PIK3C2G: variants seen among roughly 807,000 people sequenced by gnomAD.
PIK3C2G encodes phosphatidylinositol-4-phosphate 3-kinase catalytic subunit type 2 gamma.
PIK3C2G carries 168 observed loss-of-function variants against 181.1 expected under a neutral mutation model. The observed-to-expected ratio is 0.93, with a 90% CI of 0.82 to 1.05. The LOEUF (loss-of-function observed/expected upper bound fraction) is 1.05, where lower values mean the gene tolerates loss of function less well. Among genes scored for constraint, PIK3C2G ranks in the 50% least tolerant of loss-of-function variants. The pLI is 0.00. For missense variants in PIK3C2G, 1,869 were observed against 1,732.8 expected, an observed-to-expected ratio of 1.08 and a Z score of -1.40; for synonymous variants, 573 against 592.2, an observed-to-expected ratio of 0.97 and a Z score of 0.47.
At chr12:18,320,423 C>G (rs2137456562) in intron 6 of PIK3C2G, among the ~76,000 whole-genome samples, 1 of 152,236 alleles carries the variant, frequency 6.6e-6, no homozygotes, top group East Asian at 1.9e-4. Flanking sequence ...AAACAAAATG[C>G]CAACTCCTAA....
chr12:18,686,659 A>G, the PIK3C2G span, among the ~76,000 whole-genome samples: 3 of 152,102 alleles, frequency 2.0e-5, no homozygotes, highest in Non-Finnish European at 4.4e-5. Context: ...CCCTTGGAGT[A>G]CAAATCTTTG....
In PIK3C2G at chr12:18,442,802, C is replaced by T. The variant is rs76256057; in HGVS notation, c.2504+18763C>T. Among the ~76,000 whole-genome samples the T allele has an allele frequency of 6.7e-3, 1,012 of 152,034 alleles. 10 individuals are homozygous for T. The highest frequency in any genetic ancestry group is 0.024 in the African/African-American group (977 of 41,470). On this transcript the variant is annotated intron_variant, in intron 18 of 32. Coordinates refer to ENST00000538779, the MANE Select transcript of PIK3C2G (RefSeq NM_001288772.2). ...AAAATTATGCATCTTTTTATGCATACATTTTTATATAGACTTGAGTTAGAT... is the reference window on the plus strand; with the variant it reads ...AAAATTATGCATCTTTTTATGCATATATTTTTATATAGACTTGAGTTAGAT...
At position 18,546,259 on chromosome 12, in the gene PIK3C2G, A is replaced by AG. The variant is rs1216549629; in HGVS notation, c.3481-63dup. 6.2e-6 allele frequency: 6 copies of AG among 969,538 alleles called. No homozygotes were observed. The African/African-American group carries it at 9.7e-5, about 16-fold the overall frequency. The allele number at this position is 969,538 out of a possible 1,614,324, so 60.1% of individuals were successfully genotyped here. A position where few individuals can be genotyped will look rare whatever the true frequency, so the allele number is the denominator to read the frequency against. ...GTCTCTGGGTAGAATTAATCAAGTA[A>AG]GCTTGATTGTATCTGCATTTATTCT... On this transcript the variant is annotated intron_variant, in intron 25 of 32. Coordinates refer to ENST00000538779, the MANE Select transcript of PIK3C2G (RefSeq NM_001288772.2).
At chr12:18,483,966 C>T (rs568567989) in intron 18 of PIK3C2G, among the ~76,000 whole-genome samples, 2 of 152,240 alleles carry the variant, frequency 1.3e-5, no homozygotes, top group East Asian at 3.9e-4. Flanking sequence ...AAGGAACAGC[C>T]TCCTACTGGG....
chr12:18,281,515 G>A (rs906168961), intron 1 of PIK3C2G, among the ~76,000 whole-genome samples: 1 of 150,414 alleles, frequency 6.6e-6, no homozygotes, highest in Non-Finnish European at 1.5e-5. Context: ...CAATTATTTC[G>A]AGTTTTTTGG....
At chr12:18,559,917 C>T (rs1333391376) in intron 26 of PIK3C2G, among the ~76,000 whole-genome samples, 1 of 148,136 alleles carries the variant, frequency 6.8e-6, no homozygotes, top group Non-Finnish European at 1.5e-5. Context: ...AGTCTCGGCT[C>T]ACTGCAACCT....
chr12:18,650,696 GTGTGTGTGTATATATCTATA>G (rs1186355819), downstream of PIK3C2G, among the ~76,000 whole-genome samples: 1,796 of 43,490 alleles, frequency 0.041, 161 homozygotes, highest in South Asian at 0.065. Context: ...GTGTGTGTGT[GTGTGTGTGTATATATCTATA>G]TATATATATA....
At chr12:18,448,701 G>A (rs1189691576) in intron 18 of PIK3C2G, among the ~76,000 whole-genome samples, 3 of 151,788 alleles carry the variant, frequency 2.0e-5, no homozygotes, top group African/African-American at 7.3e-5. Flanking sequence ...GTAGAAAATG[G>A]CAAGATTTCC....
the PIK3C2G span, among the ~76,000 whole-genome samples, chr12:18,670,259 A>G: frequency 0.45 from 68,414 of 151,948 alleles, 16,216 homozygotes; most frequent in South Asian, 0.6. Flanking sequence ...AGATTGCTAC[A>G]TTTCTCCACA....
intron 22 of PIK3C2G, among the ~76,000 whole-genome samples, chr12:18,500,086 G>A (rs1224847840): frequency 6.6e-6 from 1 of 152,212 alleles, no homozygotes; most frequent in Admixed American, 6.5e-5. Flanking sequence ...CTGTGTGGGA[G>A]CCCCTTTCTG....
At chr12:18,584,194 AT>A (rs973453783) in intron 29 of PIK3C2G, among the ~76,000 whole-genome samples, 125 of 144,574 alleles carry the variant, frequency 8.6e-4, no homozygotes, top group Middle Eastern at 3.6e-3. Flanking sequence ...TGCCCAGCTA[AT>A]TTTTTTTTTT....
At chr12:18,313,818 A>G in intron 5 of PIK3C2G, 144 bp from the exon 6 acceptor site, 6 of 536,572 alleles carry the variant, frequency 1.1e-5, no homozygotes, top group Non-Finnish European at 9.8e-6. Context: ...ACACACACAC[A>G]CACACACACA....
intron 11 of PIK3C2G, 136 bp from the exon 12 acceptor site, chr12:18,362,628 C>G (rs1317216770): frequency 1.1e-5 from 7 of 621,332 alleles, no homozygotes; most frequent in Non-Finnish European, 1.8e-5. Context: ...ATTCTTAAAG[C>G]AATTTTTAAA....
intron 32 of PIK3C2G, among the ~76,000 whole-genome samples, chr12:18,642,816 G>GTGTC (rs1555161114): frequency 1.7e-4 from 26 of 148,852 alleles, no homozygotes; most frequent in African/African-American, 5.2e-4. Context: ...GTGTGTGTGT[G>GTGTC]TGTGTGTATA....
rs752140066 is a variant in PIK3C2G, at chr12:18,282,361, C to T, written c.280C>T (p.Arg94Cys). 34 of 1,613,436 alleles carry T rather than the reference C, an allele frequency of 2.1e-5. No individual in the cohort carries two copies. Among genetic ancestry groups the T allele is most frequent in the African/African-American group, 4.0e-5 (3 of 74,860 alleles). ...ISLNEFTSKS[R>C]ELSWHQVSKA... ...CTTGAATGAATTCACTTCTAAAAGC[C>T]GTGAACTCTCCTGGCATCAAGTTAG... is the stretch of plus-strand genomic sequence containing the variant. The change falls in exon 2 of 33, where the codon CGT becomes TGT. Residue 94 changes from arginine to cysteine, a missense_variant. Arg to Cys is a radical substitution (Grantham distance 180, BLOSUM62 -3). Transcript: ENST00000538779.
intron 16 of PIK3C2G, among the ~76,000 whole-genome samples, chr12:18,415,173 T>C (rs1945105171): frequency 6.6e-6 from 1 of 152,254 alleles, no homozygotes; most frequent in Non-Finnish European, 1.5e-5. Flanking sequence ...ACAGATAGTG[T>C]GTTTTTACAA....
chr12:18,597,223 G>A (rs1947414663), intron 30 of PIK3C2G, among the ~76,000 whole-genome samples: 1 of 151,572 alleles, frequency 6.6e-6, no homozygotes, highest in African/African-American at 2.4e-5. Context: ...TTGGGTGGTA[G>A]ATGAAATAGA....
intron 26 of PIK3C2G, among the ~76,000 whole-genome samples, chr12:18,560,563 C>T (rs1233747350): frequency 2.0e-5 from 3 of 151,694 alleles, no homozygotes; most frequent in Admixed American, 6.6e-5. Flanking sequence ...ACAAAACACA[C>T]AATGCCTCAA....
At chr12:18,333,923 G>A (rs972643201) in intron 8 of PIK3C2G, among the ~76,000 whole-genome samples, 2 of 152,062 alleles carry the variant, frequency 1.3e-5, no homozygotes, top group Admixed American at 6.6e-5. Context: ...CACTTATGCC[G>A]TTTTGTTTGG....
Sources: gnomAD v4.1 joint callset for allele counts (sites outside exome capture counted in the v4.1 genomes callset) on GRCh38, gnomAD v4.1.1 for gene constraint, MANE v1.5 for transcripts, NCBI Gene and HGNC (gene_info 2026-07-23, HGNC 2026-07-21) for gene names.